The following CCDC85C variants were observed in gnomAD, a reference collection of about 807,000 sequenced individuals.
CCDC85C encodes the protein coiled-coil domain-containing protein 85C.
CCDC85C carries 18 observed loss-of-function variants against 38.3 expected under a neutral mutation model. The ratio of observed to expected loss-of-function variants is 0.47; its 90% CI spans 0.33 to 0.70. The LOEUF (loss-of-function observed/expected upper bound fraction) is 0.70. Among genes scored for constraint, CCDC85C ranks in the 30% least tolerant of loss-of-function variants. The pLI, the probability that CCDC85C is intolerant of heterozygous loss-of-function variation, is 0.03. For missense variants in CCDC85C, 566 were observed against 621.2 expected (o/e 0.91, Z 0.94); for synonymous variants, 264 against 293.8 (o/e 0.90, Z 1.04).
At chr14:99,564,890 G>A (rs1384682636) in intron 1 of CCDC85C, among the ~76,000 whole-genome samples, 1 of 152,208 alleles carries the variant, frequency 6.6e-6, no homozygotes, top group Non-Finnish European at 1.5e-5. Flanking sequence ...AGGGCGTGGG[G>A]ACAAGTGCAG....
rs772251069 is a variant in CCDC85C at position 99,548,895 on chromosome 14, C to G, written c.794-12807G>C. The stretch of plus-strand genomic sequence containing the variant: ...TGGGGGCAAGTCACTGAGGGACACA[C>G]AGTGCGATGCCATTTCTACAAAGTC... On this transcript the variant is annotated intron_variant, in intron 1 of 5. Transcript: ENST00000380243. The surrounding 1 kb of genome is among the most constrained non-coding windows in gnomAD (Gnocchi z 4.9). Among the ~76,000 whole-genome samples the G allele has an allele frequency of 1.3e-5, 2 of 152,210 alleles. No homozygotes were observed. The highest frequency in any genetic ancestry group is 2.9e-5 in the Non-Finnish European group (2 of 68,042).
chr14:99,516,631 G>A lies in CCDC85C; in HGVS notation c.1072-345C>T, dbSNP rs1026582861. On this transcript the variant is annotated intron_variant, in intron 4 of 5. Coordinates refer to ENST00000380243, the MANE Select transcript of CCDC85C (RefSeq NM_001144995.2). The surrounding 1 kb of genome is among the most constrained non-coding windows in gnomAD (Gnocchi z 5.5). ...GGAGGGGGTGTGAGTAGGCGTGGCC[G>A]TGCATGCATGTGGGATGTCATGGGG... Among the ~76,000 whole-genome samples, 4 of 152,108 alleles carry A rather than the reference G, an allele frequency of 2.6e-5. No individual in the cohort carries two copies. Among genetic ancestry groups the A allele is most frequent in the East Asian group, 1.9e-4 (1 of 5,172 alleles).
At position 99,506,274 on chromosome 14, in the gene CCDC85C, C is replaced by A. The variant is rs370602865; in HGVS notation, c.*8972G>T. 1.5e-4 allele frequency: 23 copies of A among 152,212 alleles called. No individual in the cohort carries two copies. The highest frequency in any genetic ancestry group is 4.8e-4 in the African/African-American group (20 of 41,420). The allele number at this position is 152,212 out of a possible 1,614,324, so 9.4% of individuals were successfully genotyped here. On this transcript the variant is annotated 3_prime_UTR_variant, in exon 6 of 6. Transcript: ENST00000380243. Reference sequence around the variant, plus strand: ...ACTCAGATCTGAGTGGTGTACAAGCCAGAAGAAAGTACATTTCAGGAAGAA... The same window carrying A: ...ACTCAGATCTGAGTGGTGTACAAGCAAGAAGAAAGTACATTTCAGGAAGAA...
chr14:99,551,595 G>C (rs906046040), intron 1 of CCDC85C, among the ~76,000 whole-genome samples: 1 of 149,476 alleles, frequency 6.7e-6, no homozygotes, highest in African/African-American at 2.5e-5. Context: ...GTGGGTGAGA[G>C]GTGAGTGTGC....
Position 99,573,006 on chromosome 14 carries a change from G to A in CCDC85C, c.793+30161C>T, listed in dbSNP as rs370184745. The A allele has an allele frequency of 3.1e-4, 114 of 363,034 alleles. 1 individual carries two copies. The highest frequency in any genetic ancestry group is 1.4e-3 in the South Asian group (70 of 48,318). The allele number at this position is 363,034 out of a possible 1,614,324, so 22.5% of individuals were successfully genotyped here. A position where few individuals can be genotyped will look rare whatever the true frequency, so the allele number is the denominator to read the frequency against. ...CAGAGCAGAAGGCACCCTGGTGACC[G>A]CAGGAGACGCCACACATAAAGGCAG... On this transcript the variant is annotated intron_variant, in intron 1 of 5. Coordinates refer to ENST00000380243, the MANE Select transcript of CCDC85C (RefSeq NM_001144995.2).
chr14:99,507,953 G>C lies in CCDC85C; in HGVS notation c.*7293C>G, dbSNP rs927901151. ...CTTTACCTGTGGCACCATTTCAGAA[G>C]GTGATGCGCTAGAGAAGGCCAGAGT... is the stretch of plus-strand genomic sequence containing the variant. On this transcript the variant is annotated 3_prime_UTR_variant, in exon 6 of 6. Transcript: ENST00000380243. 4 of 152,242 alleles carry C rather than the reference G, an allele frequency of 2.6e-5. No homozygotes were observed. The highest frequency in any genetic ancestry group is 2.6e-4 in the Admixed American group (4 of 15,288). The allele number at this position is 152,242 out of a possible 1,614,324, so 9.4% of individuals were successfully genotyped here.
intron 1 of CCDC85C, among the ~76,000 whole-genome samples, chr14:99,536,802 TCAC>T (rs1897610500): frequency 6.6e-6 from 1 of 152,098 alleles, no homozygotes. Flanking sequence ...TCACCCACCC[TCAC>T]CACACTGACC....
chr14:99,534,141 A>G (rs142721811), intron 2 of CCDC85C, among the ~76,000 whole-genome samples: 2,745 of 152,260 alleles, frequency 0.018, 84 homozygotes, highest in African/African-American at 0.062. Flanking sequence ...GGATCACCTG[A>G]GGTCGGGAGT....
At chr14:99,580,495 G>A (rs1345461886) in intron 1 of CCDC85C, among the ~76,000 whole-genome samples, 7 of 148,860 alleles carry the variant, frequency 4.7e-5, no homozygotes, top group Admixed American at 2.0e-4. Flanking sequence ...GGGCGGGGAT[G>A]GGGGGAACTG....
chr14:99,556,796 G>T (rs994552757), intron 1 of CCDC85C, among the ~76,000 whole-genome samples: 1 of 151,958 alleles, frequency 6.6e-6, no homozygotes, highest in African/African-American at 2.4e-5. Context: ...CAAAGTTCTC[G>T]GATTACAGGT....
chr14:99,529,309 C>A (rs1280355404), intron 2 of CCDC85C, among the ~76,000 whole-genome samples: 1 of 152,112 alleles, frequency 6.6e-6, no homozygotes, highest in Non-Finnish European at 1.5e-5. Context: ...ATTACTTGTT[C>A]CAGTGAGGTA....
At chr14:99,555,130 GGCGGGC>G (rs768184204) in intron 1 of CCDC85C, among the ~76,000 whole-genome samples, 2 of 152,250 alleles carry the variant, frequency 1.3e-5, no homozygotes, top group Non-Finnish European at 2.9e-5. Context: ...CTGGAAGTGA[GGCGGGC>G]GGGACAGGGA....
In CCDC85C at chr14:99,533,178, G is replaced by A. The variant is rs976945147; in HGVS notation, c.867+2837C>T. 5.3e-5 allele frequency among the ~76,000 whole-genome samples: 8 copies of A among 152,198 alleles called. No individual in the cohort carries two copies. Among genetic ancestry groups the A allele is most frequent in the South Asian group, 2.1e-4 (1 of 4,834 alleles). Reference sequence around the variant, plus strand: ...GTTCAGGGGCCTCCACTGCAGCATGGGGACAGGGCACCGGGGCCAAGGCCC... The same window carrying A: ...GTTCAGGGGCCTCCACTGCAGCATGAGGACAGGGCACCGGGGCCAAGGCCC... On this transcript the variant is annotated intron_variant, in intron 2 of 5. Transcript: ENST00000380243. This position sits in a 1 kb window ranked among gnomAD's most constrained non-coding sequence, Gnocchi z 4.2.
intron 1 of CCDC85C, among the ~76,000 whole-genome samples, chr14:99,546,975 C>A (rs1370237440): frequency 6.6e-6 from 1 of 152,084 alleles, no homozygotes; most frequent in Non-Finnish European, 1.5e-5. Context: ...TAGAGACCAG[C>A]CTGAGCAACA....
At position 99,603,137 on chromosome 14, in the gene CCDC85C, C is replaced by T; in HGVS notation, c.793+30G>A. On this transcript the variant is annotated intron_variant, in intron 1 of 5. Coordinates refer to ENST00000380243, the MANE Select transcript of CCDC85C (RefSeq NM_001144995.2). The surrounding 1 kb of genome is among the most constrained non-coding windows in gnomAD (Gnocchi z 7.5). ...GGGAAAAGGGCTGCAGCCAGGGAGA[C>T]CCGCGCTGCCCGGCCCGTGTAGTCC... The T allele has an allele frequency of 2.3e-6, 3 of 1,300,496 alleles. No homozygotes were observed. Among genetic ancestry groups the T allele is most frequent in the Non-Finnish European group, 2.9e-6 (3 of 1,024,258 alleles). The allele number at this position is 1,300,496 out of a possible 1,614,324, so 80.6% of individuals were successfully genotyped here.
intron 1 of CCDC85C, among the ~76,000 whole-genome samples, chr14:99,581,386 G>A (rs950364465): frequency 2.6e-5 from 4 of 152,328 alleles, no homozygotes; most frequent in South Asian, 2.1e-4. Flanking sequence ...GAAGACAACC[G>A]TGGAAGTTCT....
In CCDC85C at chr14:99,603,074, G is replaced by C. The variant is rs982402997; in HGVS notation, c.793+93C>G. 472 of 1,255,634 alleles carry C rather than the reference G, an allele frequency of 3.8e-4. No individual in the cohort carries two copies. Among genetic ancestry groups the C allele is most frequent in the Non-Finnish European group, 4.7e-4 (465 of 998,220 alleles). 77.8% of individuals were successfully genotyped at this position (1,255,634 alleles called of 1,614,324 possible). A position where few individuals can be genotyped will look rare whatever the true frequency, so the allele number is the denominator to read the frequency against. ...GGAGTCTGGAGTGGCGGCCGCATGA[G>C]TGGGACAGCCAGGGACCACCTCCTC... On this transcript the variant is annotated intron_variant, in intron 1 of 5. Coordinates refer to ENST00000380243, the MANE Select transcript of CCDC85C (RefSeq NM_001144995.2). The surrounding 1 kb of genome is among the most constrained non-coding windows in gnomAD (Gnocchi z 7.5).
chr14:99,572,380 G>T lies in CCDC85C; in HGVS notation c.793+30787C>A, dbSNP rs567448340. On this transcript the variant is annotated intron_variant, in intron 1 of 5. Coordinates refer to ENST00000380243, the MANE Select transcript of CCDC85C (RefSeq NM_001144995.2). This position sits in a 1 kb window ranked among gnomAD's most constrained non-coding sequence, Gnocchi z 4.4. ...CCTCACGGGACACTGCGGGCGCTGC[G>T]GGCTAGTGTCTCAGCCTGCAATCCC... Among the ~76,000 whole-genome samples, 2 of 152,182 alleles carry T rather than the reference G, an allele frequency of 1.3e-5. No individual in the cohort carries two copies. The highest frequency in any genetic ancestry group is 4.8e-5 in the African/African-American group (2 of 41,446).
At chr14:99,539,710 G>A (rs898043467) in intron 1 of CCDC85C, among the ~76,000 whole-genome samples, 3 of 152,182 alleles carry the variant, frequency 2.0e-5, no homozygotes, top group African/African-American at 7.2e-5. Context: ...AGGCATTGAC[G>A]TGAGTTCAGG....
Sources: gnomAD v4.1 joint callset for allele counts (sites outside exome capture counted in the v4.1 genomes callset) on GRCh38, gnomAD v4.1.1 for gene constraint, Gnocchi (gnomAD v3.1) non-coding constraint, MANE v1.5 for transcripts, NCBI Gene and HGNC (gene_info 2026-07-23, HGNC 2026-07-21) for gene names.